SMCHD1: variants seen among roughly 807,000 people sequenced by gnomAD.
SMCHD1 encodes structural maintenance of chromosomes flexible hinge domain-containing protein 1.
SMCHD1 carries 78 observed loss-of-function variants against 254.7 expected under a neutral mutation model. The observed-to-expected ratio is 0.31, with a 90% CI of 0.26 to 0.37. SMCHD1 has a LOEUF of 0.37. SMCHD1 is among the 10% of genes least tolerant of loss of function. The pLI, the probability that SMCHD1 is intolerant of heterozygous loss-of-function variation, is 1.00. For synonymous variants in SMCHD1, 766 were observed against 794.9 expected (o/e 0.96, Z 0.61); for missense variants, 1,840 against 2,408.1 (o/e 0.76, Z 4.94).
intron 5 of SMCHD1, among the ~76,000 whole-genome samples, chr18:2,679,883 T>A (rs569386803): frequency 1.1e-4 from 16 of 152,280 alleles, no homozygotes; most frequent in African/African-American, 3.8e-4. Flanking sequence ...GTCTGTTCTT[T>A]TTTCTTCATT....
intron 5 of SMCHD1, among the ~76,000 whole-genome samples, chr18:2,674,822 TA>T (rs1475351766): frequency 2.0e-5 from 3 of 152,222 alleles, no homozygotes; most frequent in African/African-American, 7.2e-5. Context: ...TGTCTGTTCA[TA>T]ACCTGCTTTG....
At chr18:2,710,165 T>C (rs776268553) in intron 17 of SMCHD1, among the ~76,000 whole-genome samples, 18 of 152,208 alleles carry the variant, frequency 1.2e-4, no homozygotes, top group Non-Finnish European at 2.2e-4. Flanking sequence ...ACTTTCTCTA[T>C]TGAATTGTTT....
chr18:2,690,209 T>G (rs540009934), intron 7 of SMCHD1, among the ~76,000 whole-genome samples: 10 of 152,326 alleles, frequency 6.6e-5, no homozygotes, highest in South Asian at 4.1e-4. Context: ...CTTAATAGTT[T>G]TGATCCCACA....
chr18:2,671,115 T>C (rs1225566803), intron 3 of SMCHD1, among the ~76,000 whole-genome samples: 2 of 151,494 alleles, frequency 1.3e-5, no homozygotes. Flanking sequence ...TTTGTATTTT[T>C]AGTAGAGATG....
Position 2,684,700 on chromosome 18 carries a change from A to AGTGTGTGTGTGTGTGTGTGTGTGT in SMCHD1, c.639-3684_639-3661dup, listed in dbSNP as rs71365193. ...TTTTTTCCTGCCTTATTGCAGATTC[A>AGTGTGTGTGTGTGTGTGTGTGTGT]GTGTGTGTGTGTGTGTGTGTGTGTG... On this transcript the variant is annotated intron_variant, in intron 5 of 47. Coordinates refer to ENST00000320876, the MANE Select transcript of SMCHD1 (RefSeq NM_015295.3). 1.1e-3 allele frequency among the ~76,000 whole-genome samples: 123 copies of AGTGTGTGTGTGTGTGTGTGTGTGT among 115,604 alleles called. 2 individuals are homozygous for AGTGTGTGTGTGTGTGTGTGTGTGT. Among genetic ancestry groups the AGTGTGTGTGTGTGTGTGTGTGTGT allele is most frequent in the East Asian group, 1.7e-3 (6 of 3,558 alleles). 75.8% of individuals were successfully genotyped at this position (115,604 alleles called of 152,430 possible). A position where few individuals can be genotyped will look rare whatever the true frequency, so the allele number is the denominator to read the frequency against.
chr18:2,714,601 G>A (rs2074756292), intron 17 of SMCHD1, among the ~76,000 whole-genome samples: 1 of 151,608 alleles, frequency 6.6e-6, no homozygotes, highest in African/African-American at 2.4e-5. Context: ...GCTGCTATTT[G>A]ATTTTTTTCT....
chr18:2,658,761 T>C (rs1411734067), intron 1 of SMCHD1, among the ~76,000 whole-genome samples: 1 of 151,874 alleles, frequency 6.6e-6, no homozygotes, highest in Non-Finnish European at 1.5e-5. Context: ...CAACAAGCAG[T>C]GAAACTGGGA....
intron 1 of SMCHD1, among the ~76,000 whole-genome samples, chr18:2,664,675 G>A (rs1276153385): frequency 6.6e-6 from 1 of 152,202 alleles, no homozygotes; most frequent in Non-Finnish European, 1.5e-5. Flanking sequence ...GGCACGTGAT[G>A]TGTGGGTGTT....
chr18:2,679,183 A>G (rs1212640702), intron 5 of SMCHD1, among the ~76,000 whole-genome samples: 47 of 148,300 alleles, frequency 3.2e-4, no homozygotes, highest in African/African-American at 1.1e-3. Flanking sequence ...GTGCTGGGTA[A>G]AGAACTCTTG....
At position 2,732,603 on chromosome 18, in the gene SMCHD1, A is replaced by G. The variant is rs533175793; in HGVS notation, c.3276+111A>G. 7.7e-5 allele frequency: 50 copies of G among 648,500 alleles called. No individual in the cohort carries two copies. The East Asian group carries it at 9.2e-4, about 12-fold the overall frequency. 40.2% of individuals were successfully genotyped at this position (648,500 alleles called of 1,614,324 possible). ...ATCTAAAAAAGAAGCTTGTCACAGAAAAGTTATACTATCATTTCAAATTGT... is the reference window on the plus strand; with the variant it reads ...ATCTAAAAAAGAAGCTTGTCACAGAGAAGTTATACTATCATTTCAAATTGT... On this transcript the variant is annotated intron_variant, in intron 25 of 47. Transcript: ENST00000320876.
At position 2,722,646 on chromosome 18, in the gene SMCHD1, G is replaced by A. The variant is rs1174491780; in HGVS notation, c.2586G>A (p.Gln862=). ...CCAGTCAACTAGTAACTGATATTCA[G>A]CCAGTTCTTGAAGCAAGGTAATTTG... The part of the protein sequence containing the change: ...GHTSQLVTDI[Q]PVLEASGLSL... The change falls in exon 20 of 48, where the codon CAG becomes CAA. Residue 862 remains glutamine, a synonymous_variant. Coordinates refer to ENST00000320876, the MANE Select transcript of SMCHD1 (RefSeq NM_015295.3). The A allele has an allele frequency of 1.9e-6, 3 of 1,610,314 alleles. No individual in the cohort carries two copies. The African/African-American group carries it at 4.0e-5, about 22-fold the overall frequency.
rs2073551937 is a variant in SMCHD1, at chr18:2,670,009, CA to C, written c.424+2979del. Among the ~76,000 whole-genome samples, 6 of 152,248 alleles carry C rather than the reference CA, an allele frequency of 3.9e-5. No homozygotes were observed. The South Asian group carries it at 1.2e-3, about 32-fold the overall frequency. On this transcript the variant is annotated intron_variant, in intron 3 of 47. Transcript: ENST00000320876. ...TTGCTACCACCTGGTCTGGAGGCAC[CA>C]TTGTATCACCCAGATTACACTAACT...
intron 5 of SMCHD1, among the ~76,000 whole-genome samples, chr18:2,674,514 T>G (rs1454613435): frequency 1.3e-5 from 2 of 152,230 alleles, no homozygotes; most frequent in African/African-American, 2.4e-5. Flanking sequence ...TGTGGTTCTG[T>G]GGAGCTCACT....
chr18:2,772,194 G>T, intron 40 of SMCHD1, 56 bp from the exon 41 acceptor site: 1 of 1,399,836 alleles, frequency 7.1e-7, no homozygotes, highest in Non-Finnish European at 9.3e-7. Flanking sequence ...GTCATTATGG[G>T]CTGCCTGGTT....
intron 41 of SMCHD1, among the ~76,000 whole-genome samples, chr18:2,774,313 C>T (rs997383285): frequency 5.3e-5 from 8 of 152,068 alleles, no homozygotes; most frequent in East Asian, 1.9e-4. Context: ...TTTTCATTTT[C>T]GTTTACATGT....
chr18:2,694,261 G>A (rs1249879939), intron 7 of SMCHD1, among the ~76,000 whole-genome samples: 1 of 152,062 alleles, frequency 6.6e-6, no homozygotes, highest in African/African-American at 2.4e-5. Context: ...TTACCTTTTC[G>A]TTTATGATTC....
chr18:2,726,605 G>A (rs2075032208), intron 22 of SMCHD1, 81 bp downstream of exon 22: 1 of 640,268 alleles, frequency 1.6e-6, no homozygotes. Flanking sequence ...AGAGGTTTTT[G>A]GGCTTTTAGT....
intron 8 of SMCHD1, 63 bp downstream of exon 8, chr18:2,694,756 A>G: frequency 7.1e-7 from 1 of 1,400,386 alleles, no homozygotes; most frequent in Non-Finnish European, 1.0e-6. Flanking sequence ...AGAAAACATT[A>G]CAGATATATT....
At chr18:2,768,924 G>A (rs1390552808) in intron 37 of SMCHD1, among the ~76,000 whole-genome samples, 1 of 151,746 alleles carries the variant, frequency 6.6e-6, no homozygotes, top group Non-Finnish European at 1.5e-5. Flanking sequence ...ATATTCTTTG[G>A]GAAAAAGTCT....
Sources: gnomAD v4.1 joint callset for allele counts (sites outside exome capture counted in the v4.1 genomes callset) on GRCh38, gnomAD v4.1.1 for gene constraint, MANE v1.5 for transcripts, NCBI Gene and HGNC (gene_info 2026-07-23, HGNC 2026-07-21) for gene names.